Variants in RNF212B observed in about 807,000 individuals in gnomAD.
The protein encoded by RNF212B is E3 ubiquitin-protein ligase RNF212B.
Under a neutral mutation model 55.5 loss-of-function variants are expected in RNF212B, and 52 were observed. The observed-to-expected ratio is 0.94, with a 90% CI of 0.75 to 1.18. RNF212B has a LOEUF of 1.18. Among genes scored for constraint, RNF212B ranks in the 50% most tolerant of loss-of-function variants. The pLI is 0.00. For synonymous variants in RNF212B, 99 were observed against 121.4 expected, an observed-to-expected ratio of 0.82 and a Z score of 1.21; for missense variants, 289 against 350.4, an observed-to-expected ratio of 0.82 and a Z score of 1.40.
In RNF212B at chr14:23,215,661, C is replaced by A. The variant is rs13379479; in HGVS notation, c.-2+22260C>A. Among the ~76,000 whole-genome samples the A allele has an allele frequency of 9.1e-3, 1,386 of 152,224 alleles. 25 individuals carry two copies. The highest frequency in any genetic ancestry group is 0.032 in the African/African-American group (1,322 of 41,522). ...CTTTAGGAATAAGGTGAACTCAAGACATTCCCAAATGAAGGAAAACTAAGA... is the reference window on the plus strand; with the variant it reads ...CTTTAGGAATAAGGTGAACTCAAGAAATTCCCAAATGAAGGAAAACTAAGA... On this transcript the variant is annotated intron_variant, in intron 2 of 15. Coordinates refer to the RNF212B transcript ENST00000399910.
At chr14:23,211,181 G>A (rs539819267) in intron 2 of RNF212B, among the ~76,000 whole-genome samples, 1 of 150,502 alleles carries the variant, frequency 6.6e-6, no homozygotes, top group East Asian at 2.0e-4. Flanking sequence ...TTGCACCACT[G>A]CCCTCCAGCC....
intron 2 of RNF212B, among the ~76,000 whole-genome samples, chr14:23,211,364 G>A (rs1880505051): frequency 6.6e-6 from 1 of 152,102 alleles, no homozygotes; most frequent in South Asian, 2.1e-4. Context: ...TGAATTTGTA[G>A]CTAAAAATCT....
At chr14:23,240,048 T>A (rs11626224) in intron 1 of RNF212B, among the ~76,000 whole-genome samples, 25,126 of 141,344 alleles carry the variant, frequency 0.18, 2,495 homozygotes, top group South Asian at 0.26. Flanking sequence ...AAAAAAAAAA[T>A]CTCACCACTG....
At chr14:23,260,889 T>C (rs1333691256) in intron 7 of RNF212B, among the ~76,000 whole-genome samples, 1 of 152,252 alleles carries the variant, frequency 6.6e-6, no homozygotes, top group Non-Finnish European at 1.5e-5. Context: ...TATGAAATCC[T>C]AGTGTTTGAA....
chr14:23,242,096 AAAAAAAAAAAAGAAAAG>A lies in RNF212B; in HGVS notation c.101-1154_101-1138del, dbSNP rs1167271395. On this transcript the variant is annotated intron_variant, in intron 2 of 14. Coordinates refer to ENST00000430154, the MANE Select transcript of RNF212B (RefSeq NM_001282322.3). ...GACTCCGTCTCAAAAAAAAAAAAAA[AAAAAAAAAAAAGAAAAG>A]AAAAAGAAAAAGAAAAACCTTTAGT... Among the ~76,000 whole-genome samples the A allele has an allele frequency of 3.3e-4, 41 of 122,890 alleles. 1 individual carries two copies. The highest frequency in any genetic ancestry group is 7.4e-3 in the Middle Eastern group (2 of 270). The allele number at this position is 122,890 out of a possible 152,430, so 80.6% of individuals were successfully genotyped here.
intron 2 of RNF212B, among the ~76,000 whole-genome samples, chr14:23,227,112 A>C (rs1882101557): frequency 6.6e-6 from 1 of 152,082 alleles, no homozygotes; most frequent in African/African-American, 2.4e-5. Flanking sequence ...TATTATATTT[A>C]TATAAGAAGT....
In RNF212B at chr14:23,265,310, G is replaced by T. The variant is rs116059090; in HGVS notation, c.634+639G>T. The stretch of plus-strand genomic sequence containing the variant: ...GCTAAGTGTAAAAAGAAGGTTCACA[G>T]GATGCTGATTGTTGGCCTGAAGGGT... On this transcript the variant is annotated intron_variant, in intron 11 of 14. Transcript: ENST00000430154. Among the ~76,000 whole-genome samples the T allele has an allele frequency of 6.4e-3, 973 of 152,284 alleles. 11 individuals carry two copies. The highest frequency in any genetic ancestry group is 0.022 in the African/African-American group (906 of 41,558).
intron 1 of RNF212B, chr14:23,188,325 CT>C (rs1291274021): frequency 2.0e-5 from 3 of 152,144 alleles, no homozygotes; most frequent in African/African-American, 7.2e-5. Context: ...TTTCTTGATT[CT>C]TTTGCTGGGT....
chr14:23,272,681 T>C, intron 14 of RNF212B, 142 bp from the exon 15 acceptor site: 2 of 663,694 alleles, frequency 3.0e-6, no homozygotes, highest in South Asian at 3.3e-5. Flanking sequence ...GAAAAGTTAG[T>C]TATCATGCAA....
At chr14:23,193,814 G>A (rs76104030) in intron 2 of RNF212B, among the ~76,000 whole-genome samples, 7,970 of 151,452 alleles carry the variant, frequency 0.053, 477 homozygotes, top group African/African-American at 0.15. Flanking sequence ...AAGTTTTGTA[G>A]TACAATATGA....
At chr14:23,253,535 G>A (rs1323363144) in intron 4 of RNF212B, among the ~76,000 whole-genome samples, 2 of 152,098 alleles carry the variant, frequency 1.3e-5, no homozygotes, top group African/African-American at 2.4e-5. Context: ...TGGGGGCGGG[G>A]AAAGGTGAGG....
At chr14:23,216,254 AAAAACAAAAC>A (rs912567103) in intron 2 of RNF212B, among the ~76,000 whole-genome samples, 1 of 152,148 alleles carries the variant, frequency 6.6e-6, no homozygotes, top group Non-Finnish European at 1.5e-5. Context: ...TCAAAAAAAC[AAAAACAAAAC>A]AAAACAAAAC....
At chr14:23,198,911 T>G (rs1007185417) in intron 2 of RNF212B, among the ~76,000 whole-genome samples, 2 of 152,124 alleles carry the variant, frequency 1.3e-5, no homozygotes, top group Non-Finnish European at 2.9e-5. Flanking sequence ...TAGAGTTGGT[T>G]AGCTAGCTTG....
chr14:23,190,040 T>C (rs1566383438), intron 1 of RNF212B, among the ~76,000 whole-genome samples: 1 of 152,120 alleles, frequency 6.6e-6, no homozygotes, highest in African/African-American at 2.4e-5. Flanking sequence ...TCAGTCTTTA[T>C]CTTATTGATC....
intron 5 of RNF212B, 29 bp downstream of exon 5, chr14:23,258,693 CTTTTTTTTT>C: frequency 1.4e-5 from 8 of 590,442 alleles, no homozygotes; most frequent in South Asian, 1.1e-4. Flanking sequence ...CCCAAGAGAG[CTTTTTTTTT>C]TTTTTTTTTT....
upstream of RNF212B, among the ~76,000 whole-genome samples, chr14:23,235,581 G>C (rs1883039306): frequency 6.6e-6 from 1 of 152,216 alleles, no homozygotes; most frequent in South Asian, 2.1e-4. Flanking sequence ...CAAGCTTTCA[G>C]ATGAAAATTA....
intron 2 of RNF212B, among the ~76,000 whole-genome samples, chr14:23,229,035 T>C (rs1325900215): frequency 6.6e-6 from 1 of 151,738 alleles, no homozygotes. Context: ...CTCATACCCC[T>C]AGTTCCTGCT....
At chr14:23,262,891 A>G (rs1400405859) in intron 8 of RNF212B, 37 bp from the exon 9 acceptor site, 1 of 1,548,186 alleles carries the variant, frequency 6.5e-7, no homozygotes, top group African/African-American at 1.4e-5. Flanking sequence ...CATACCATTG[A>G]TGGCAACTTT....
chr14:23,202,908 C>T (rs2140372202), intron 2 of RNF212B, among the ~76,000 whole-genome samples: 1 of 150,986 alleles, frequency 6.6e-6, no homozygotes, highest in African/African-American at 2.4e-5. Flanking sequence ...ACTTGGTGTC[C>T]ATTTTAGACC....
Sources: gnomAD v4.1 joint callset for allele counts (sites outside exome capture counted in the v4.1 genomes callset) on GRCh38, gnomAD v4.1.1 for gene constraint, MANE v1.5 for transcripts, NCBI Gene and HGNC (gene_info 2026-07-23, HGNC 2026-07-21) for gene names.